IQSEC1: variants seen among roughly 807,000 people sequenced by gnomAD.
The protein encoded by IQSEC1 is IQ motif and SEC7 domain-containing protein 1.
IQSEC1 carries 31 observed loss-of-function variants against 91.0 expected under a neutral mutation model. The observed-to-expected ratio is 0.34, with a 90% CI of 0.26 to 0.46. IQSEC1 has a LOEUF of 0.46. IQSEC1 is among the 20% of genes least tolerant of loss of function. The pLI, the probability that IQSEC1 is intolerant of heterozygous loss-of-function variation, is 1.00. For synonymous variants in IQSEC1, 699 were observed against 662.6 expected (o/e 1.05, Z -0.84); for missense variants, 1,388 against 1,575.6 (o/e 0.88, Z 2.02).
chr3:12,928,518 C>A (rs1328919437), intron 3 of IQSEC1, among the ~76,000 whole-genome samples: 2 of 152,158 alleles, frequency 1.3e-5, no homozygotes, highest in Non-Finnish European at 2.9e-5. Context: ...AGTGACAGGC[C>A]CTCAACAGCC....
In IQSEC1 at chr3:12,922,543, AC is replaced by A. The variant is rs1347474582; in HGVS notation, c.1731-302del. On this transcript the variant is annotated intron_variant, in intron 4 of 13. Coordinates refer to ENST00000613206, the MANE Select transcript of IQSEC1 (RefSeq NM_001134382.3). The surrounding 1 kb of genome is among the most constrained non-coding windows in gnomAD (Gnocchi z 5.1). ...TCTGGATCAAAGCCCTTCCCAAGAG[AC>A]AAGCATTTTTAAGCACAGCCCTCAC... Among the ~76,000 whole-genome samples, 3 of 152,178 alleles carry A rather than the reference AC, an allele frequency of 2.0e-5. No homozygotes were observed. Among genetic ancestry groups the A allele is most frequent in the Non-Finnish European group, 4.4e-5 (3 of 68,034 alleles).
At chr3:12,934,437 C>T (rs1017945785) in intron 3 of IQSEC1, among the ~76,000 whole-genome samples, 7 of 152,292 alleles carry the variant, frequency 4.6e-5, no homozygotes, top group Admixed American at 2.0e-4. Flanking sequence ...AGGGGGCAGA[C>T]GGAGCAGGGA....
rs916698805 is a variant in IQSEC1, at chr3:12,944,488, G to A, written c.24-2623C>T. 9.2e-5 allele frequency among the ~76,000 whole-genome samples: 14 copies of A among 152,022 alleles called. 1 individual carries two copies. Among genetic ancestry groups the A allele is most frequent in the African/African-American group, 2.7e-4 (11 of 41,402 alleles). ...CCCCAGAGCTCACGCCTCTGCTCCA[G>A]GCCTGTGCACCTCCCTCCTGTCTGA... On this transcript the variant is annotated intron_variant, in intron 1 of 13. Transcript: ENST00000613206.
At position 13,027,995 on chromosome 3, in the gene IQSEC1, G is replaced by A. The variant is rs529400705; in HGVS notation, c.23+44997C>T. On this transcript the variant is annotated intron_variant, in intron 1 of 13. Coordinates refer to ENST00000613206, the MANE Select transcript of IQSEC1 (RefSeq NM_001134382.3). ...CCACAGGATACCTCTTGTATCCTCC[G>A]CTCCTTCTTGTCTTTCAAGGTCCAC... Among the ~76,000 whole-genome samples the A allele has an allele frequency of 5.9e-5, 9 of 152,206 alleles. No individual in the cohort carries two copies. In the South Asian group the frequency reaches 8.3e-4, roughly 14 times the overall value.
intron 1 of IQSEC1, among the ~76,000 whole-genome samples, chr3:13,265,072 C>CTA (rs1246249414): frequency 6.6e-6 from 1 of 152,214 alleles, no homozygotes; most frequent in Non-Finnish European, 1.5e-5. Flanking sequence ...CCATTTCCAG[C>CTA]CCCTGAGAAG....
chr3:13,160,137 G>A (rs910874759), intron 2 of IQSEC1, among the ~76,000 whole-genome samples: 4 of 152,144 alleles, frequency 2.6e-5, no homozygotes, highest in Admixed American at 2.0e-4. Context: ...AGTAGTGAGC[G>A]TGAATTCACA....
rs796723555 is a variant in IQSEC1, at chr3:12,909,575, C to T, written c.2417-141G>A. On this transcript the variant is annotated intron_variant, in intron 10 of 13. Coordinates refer to ENST00000613206, the MANE Select transcript of IQSEC1 (RefSeq NM_001134382.3). This position sits in a 1 kb window ranked among gnomAD's most constrained non-coding sequence, Gnocchi z 4.9. ...GCCGGGAGTCCAGCCTCCGCAGTGG[C>T]AGGCTGCAGGGGTGCAGAGCAACCT... The T allele has an allele frequency of 3.9e-6, 3 of 767,672 alleles. No individual in the cohort carries two copies. The highest frequency in any genetic ancestry group is 4.2e-6 in the Non-Finnish European group (2 of 474,422). 47.6% of individuals were successfully genotyped at this position (767,672 alleles called of 1,614,324 possible).
chr3:12,952,064 C>T (rs1699586749), intron 1 of IQSEC1, among the ~76,000 whole-genome samples: 1 of 152,176 alleles, frequency 6.6e-6, no homozygotes, highest in Non-Finnish European at 1.5e-5. Flanking sequence ...AGCACCATAT[C>T]TAAAACGGGA....
chr3:13,010,388 C>G (rs568617370), intron 1 of IQSEC1, among the ~76,000 whole-genome samples: 1 of 152,174 alleles, frequency 6.6e-6, no homozygotes, highest in Admixed American at 6.5e-5. Context: ...GTTCATCCCC[C>G]CTGCTCAAGT....
At chr3:12,910,071 T>C (rs1695419820) in intron 10 of IQSEC1, among the ~76,000 whole-genome samples, 1 of 152,254 alleles carries the variant, frequency 6.6e-6, no homozygotes, top group African/African-American at 2.4e-5. Context: ...TGTATGTATA[T>C]GCAGCCCATT....
At chr3:13,231,547 A>C (rs929080265) in intron 1 of IQSEC1, among the ~76,000 whole-genome samples, 4 of 106,990 alleles carry the variant, frequency 3.7e-5, no homozygotes, top group African/African-American at 6.6e-5. Context: ...TGACCTCACC[A>C]CCTCCCAACG....
Position 12,924,567 on chromosome 3 carries a change from C to T in IQSEC1, c.1730+14G>A. ...GTGGAATCAGGTCCCCCACCACCCC[C>T]ATGCAGAACTTACTCGAGCACGTCA... On this transcript the variant is annotated intron_variant, in intron 4 of 13. Coordinates refer to ENST00000613206, the MANE Select transcript of IQSEC1 (RefSeq NM_001134382.3). This position sits in a 1 kb window ranked among gnomAD's most constrained non-coding sequence, Gnocchi z 6.3. 1.3e-6 allele frequency: 2 copies of T among 1,573,664 alleles called. No homozygotes were observed. The highest frequency in any genetic ancestry group is 1.4e-5 in the African/African-American group (1 of 74,032).
chr3:12,905,688 A>T (rs1291097252), intron 12 of IQSEC1, among the ~76,000 whole-genome samples: 2 of 152,218 alleles, frequency 1.3e-5, no homozygotes, highest in Non-Finnish European at 2.9e-5. Context: ...CCTGCTTCAC[A>T]CGTGGCAGGG....
chr3:12,899,956 T>C lies in IQSEC1; in HGVS notation c.*1027A>G, dbSNP rs1047337774. ...CTGAATGAGTGTGCGTCAAATCATA[T>C]GCGCATAAAAGAAACATGGATCATG... On this transcript the variant is annotated 3_prime_UTR_variant, in exon 14 of 14. Transcript: ENST00000613206. 7 of 985,140 alleles carry C rather than the reference T, an allele frequency of 7.1e-6. No homozygotes were observed. The highest frequency in any genetic ancestry group is 6.0e-6 in the Non-Finnish European group (5 of 829,886). 61.0% of individuals were successfully genotyped at this position (985,140 alleles called of 1,614,324 possible). A position where few individuals can be genotyped will look rare whatever the true frequency, so the allele number is the denominator to read the frequency against.
At chr3:13,251,029 C>T (rs902067247) in intron 1 of IQSEC1, among the ~76,000 whole-genome samples, 3 of 152,226 alleles carry the variant, frequency 2.0e-5, no homozygotes, top group Non-Finnish European at 4.4e-5. Flanking sequence ...TGCTCCTTGA[C>T]TTCTGAGTCC....
chr3:13,055,202 CTG>C (rs1350345978), intron 1 of IQSEC1, among the ~76,000 whole-genome samples: 1 of 152,262 alleles, frequency 6.6e-6, no homozygotes, highest in Non-Finnish European at 1.5e-5. Context: ...CTCAGCCCGC[CTG>C]TGTCTGGAAC....
intron 1 of IQSEC1, among the ~76,000 whole-genome samples, chr3:13,186,181 C>G (rs757244863): frequency 1.3e-5 from 2 of 152,178 alleles, no homozygotes; most frequent in African/African-American, 2.4e-5. Flanking sequence ...ATTGAGGATC[C>G]TCAGCCACCC....
At chr3:13,007,227 A>AC in intron 1 of IQSEC1, among the ~76,000 whole-genome samples, 1 of 152,182 alleles carries the variant, frequency 6.6e-6, no homozygotes. Flanking sequence ...GGGGGACAGA[A>AC]CCCCTAGGAA....
At chr3:13,034,885 C>A (rs1409501120) in intron 1 of IQSEC1, among the ~76,000 whole-genome samples, 6 of 152,244 alleles carry the variant, frequency 3.9e-5, no homozygotes, top group Admixed American at 3.9e-4. Context: ...GTCCAGCACA[C>A]AGGCTCCCCT....
Sources: gnomAD v4.1 joint callset for allele counts (sites outside exome capture counted in the v4.1 genomes callset) on GRCh38, gnomAD v4.1.1 for gene constraint, Gnocchi (gnomAD v3.1) non-coding constraint, MANE v1.5 for transcripts, NCBI Gene and HGNC (gene_info 2026-07-23, HGNC 2026-07-21) for gene names.